The following SULT1A2 variants were observed in gnomAD, a reference collection of about 807,000 sequenced individuals.
SULT1A2 encodes the protein sulfotransferase family 1A member 2.
Under a neutral mutation model 36.0 loss-of-function variants are expected in SULT1A2, and 33 were observed. The observed-to-expected ratio is 0.92, with a 90% CI of 0.69 to 1.22. The LOEUF is 1.22. Among genes scored for constraint, SULT1A2 ranks in the 50% most tolerant of loss-of-function variants. The pLI, the probability that SULT1A2 is intolerant of heterozygous loss-of-function variation, is 0.00. For synonymous variants in SULT1A2, 138 were observed against 144.5 expected (o/e 0.96, Z 0.32); for missense variants, 367 against 383.2 (o/e 0.96, Z 0.35).
Position 28,592,146 on chromosome 16 carries a change from G to A in SULT1A2, c.776-6C>T, listed in dbSNP as rs1312720245. ...CTTCCAGTCCCCAGCCATGCCTGGGGGAGGAAGGCAGGGAGCAAAGCTGGA... is the reference window on the plus strand; with the variant it reads ...CTTCCAGTCCCCAGCCATGCCTGGGAGAGGAAGGCAGGGAGCAAAGCTGGA... On this transcript the variant is annotated splice_polypyrimidine_tract_variant and splice_region_variant and intron_variant, in intron 7 of 7. Transcript: ENST00000335715. The A allele has an allele frequency of 6.2e-7, 1 of 1,612,256 alleles. No individual in the cohort carries two copies. The highest frequency in any genetic ancestry group is 1.1e-5 in the South Asian group (1 of 91,002).
chr16:28,592,031 C>G lies in SULT1A2; in HGVS notation c.885G>C (p.Leu295=). The G allele has an allele frequency of 6.2e-7, 1 of 1,611,754 alleles. No homozygotes were observed. Among genetic ancestry groups the G allele is most frequent in the Non-Finnish European group, 8.5e-7 (1 of 1,179,770 alleles). Residue 295 remains leucine (L), a synonymous_variant, in exon 8 of 8, where the codon CTG becomes CTC. Transcript: ENST00000335715. ...AGCSLSFRSE[L] ...GCAGTGACTCCAGGAACCCCTCTCA[C>G]AGCTCAGAGCGGAAGCTGAGGCTGC... is the stretch of plus-strand genomic sequence containing the variant.
rs149295067 is a variant in SULT1A2, at chr16:28,592,942, G to C, written c.594+310C>G. Among the ~76,000 whole-genome samples, 324 of 152,218 alleles carry C rather than the reference G, an allele frequency of 2.1e-3. 2 individuals are homozygous for C. The highest frequency in any genetic ancestry group is 7.0e-3 in the African/African-American group (291 of 41,540). ...CAGGAGAATCACTTGAACCTGGGAG[G>C]GGGGGTTACACTGAGCTGAGATCAC... On this transcript the variant is annotated intron_variant, in intron 6 of 7. Coordinates refer to ENST00000335715, the MANE Select transcript of SULT1A2 (RefSeq NM_001054.4).
chr16:28,593,657 T>C (rs1363411646), intron 4 of SULT1A2, 89 bp from the exon 5 acceptor site: 20 of 1,587,018 alleles, frequency 1.3e-5, no homozygotes, highest in Non-Finnish European at 1.6e-5. Flanking sequence ...AGGAGGAAGC[T>C]GAGGCTTAGA....
Position 28,593,481 on chromosome 16 carries a change from TC to T in SULT1A2, c.459del (p.Thr154ProfsTer29), listed in dbSNP as rs1173308429. ...AACTTCTCCAGGAAGCTTTCCCAGG[TC>T]CCAGGGTGAGGGTACACTTTGGCCA... ...YHMAKVYPHP[G>X]TWESFLEKFM... On this transcript the variant is annotated frameshift_variant, in exon 5 of 8. Coordinates refer to ENST00000335715, the MANE Select transcript of SULT1A2 (RefSeq NM_001054.4). LOFTEE classifies it high-confidence loss of function. The T allele has an allele frequency of 1.2e-6, 2 of 1,613,882 alleles. No homozygotes were observed. The highest frequency in any genetic ancestry group is 2.7e-5 in the African/African-American group (2 of 74,816).
At position 28,593,302 on chromosome 16, in the gene SULT1A2, G is replaced by C. The variant is rs1339368020; in HGVS notation, c.544C>G (p.Leu182Val). 1 of 1,614,164 alleles carries C rather than the reference G, an allele frequency of 6.2e-7. No homozygotes were observed. The highest frequency in any genetic ancestry group is 1.7e-5 in the Admixed American group (1 of 60,026). ...WYQHVQEWWE[L>V]SRTHPVLYLF... ...TAGAGAACAGGGTGGGTGCGGCTCA[G>C]CTCCCACCACTCTTGCACGTGCTGG... Residue 182 changes from leucine to valine, a missense_variant, in exon 6 of 8, where the codon CTG becomes GTG. Leu to Val is a conservative substitution (Grantham distance 32, BLOSUM62 1). Coordinates refer to ENST00000335715, the MANE Select transcript of SULT1A2 (RefSeq NM_001054.4).
rs770126888 is a variant in SULT1A2, at chr16:28,595,980, A to T, written c.-4-46T>A. ...AGGCCCGTTCCCTTACCACCATCAC[A>T]ACAGCAAGAAAGTGGAATTCTTGCT... On this transcript the variant is annotated intron_variant, in intron 1 of 7. Transcript: ENST00000335715. The T allele has an allele frequency of 1.9e-6, 3 of 1,593,290 alleles. No individual in the cohort carries two copies. The African/African-American group carries it at 4.0e-5, about 21-fold the overall frequency.
chr16:28,594,117 G>GT (rs1354481136), intron 4 of SULT1A2, among the ~76,000 whole-genome samples: 7 of 145,252 alleles, frequency 4.8e-5, no homozygotes, highest in African/African-American at 1.8e-4. Context: ...TGGGGGGGGG[G>GT]ACTCTAGGTC....
chr16:28,596,046 G>T, intron 1 of SULT1A2, 112 bp from the exon 2 acceptor site: 1 of 1,572,150 alleles, frequency 6.4e-7, no homozygotes, highest in South Asian at 1.2e-5. Flanking sequence ...TGAGTGACTT[G>T]CCCGCACTCA....
intron 6 of SULT1A2, 48 bp from the exon 7 acceptor site, chr16:28,592,491 G>A (rs761979110): frequency 9.9e-6 from 16 of 1,613,788 alleles, no homozygotes; most frequent in Non-Finnish European, 1.2e-5. Context: ...GCTGATTCAG[G>A]AAAATAAAAG....
intron 1 of SULT1A2, 36 bp downstream of exon 1, chr16:28,596,961 T>G: frequency 8.2e-7 from 1 of 1,225,706 alleles, no homozygotes; most frequent in East Asian, 5.7e-5. Flanking sequence ...CTGAGCAGGG[T>G]GAGGGCGTCC....
intron 1 of SULT1A2, chr16:28,596,387 G>A: frequency 9.2e-7 from 1 of 1,091,366 alleles, no homozygotes; most frequent in Non-Finnish European, 1.1e-6. Context: ...TCCCCTCCTT[G>A]AGCCCCTCGG....
chr16:28,593,881 T>C (rs933857475), intron 4 of SULT1A2, among the ~76,000 whole-genome samples: 1 of 152,188 alleles, frequency 6.6e-6, no homozygotes, highest in Non-Finnish European at 1.5e-5. Context: ...GGACCCACCC[T>C]CTACCTTTCT....
intron 1 of SULT1A2, chr16:28,596,308 G>A (rs2047059268): frequency 8.5e-7 from 1 of 1,171,024 alleles, no homozygotes; most frequent in African/African-American, 1.6e-5. Context: ...CTGCCAGCCA[G>A]CGCCCTTTGT....
rs753662860 is a variant in SULT1A2, at chr16:28,593,419, T to G, written c.499+23A>C. On this transcript the variant is annotated intron_variant, in intron 5 of 7. Transcript: ENST00000335715. The stretch of plus-strand genomic sequence containing the variant: ...AGCCACCACCCCTTAGCTCCACACC[T>G]TCCTTCCTCCCATCAAGCCCACCTT... 6 of 1,613,992 alleles carry G rather than the reference T, an allele frequency of 3.7e-6. No homozygotes were observed. The South Asian group carries it at 6.6e-5, about 18-fold the overall frequency.
chr16:28,592,493 A>G (rs765521014), intron 6 of SULT1A2, 50 bp from the exon 7 acceptor site: 2 of 1,613,688 alleles, frequency 1.2e-6, no homozygotes, highest in Non-Finnish European at 1.7e-6. Flanking sequence ...TGATTCAGGA[A>G]AATAAAAGGG....
intron 6 of SULT1A2, 45 bp downstream of exon 6, chr16:28,593,207 T>G (rs2047015087): frequency 1.2e-6 from 2 of 1,610,882 alleles, no homozygotes; most frequent in Admixed American, 1.7e-5. Context: ...GTGAAGTGCC[T>G]GCCCCCAGGT....
At position 28,595,590 on chromosome 16, in the gene SULT1A2, C is replaced by T. The variant is rs1187395404; in HGVS notation, c.234G>A (p.Arg78=). ...EKCHRAPIFM[R]VPFLEFKVPG... is the part of the protein sequence containing the mutation. Reference sequence around the variant, plus strand: ...GGACTTTGAACTCAAGGAAGGGCACCCGCATGAAGATGGGAGCTCGGTGAC... The same window carrying T: ...GGACTTTGAACTCAAGGAAGGGCACTCGCATGAAGATGGGAGCTCGGTGAC... The change falls in exon 3 of 8, where the codon CGG becomes CGA. Residue 78 remains arginine, a synonymous_variant. Coordinates refer to ENST00000335715, the MANE Select transcript of SULT1A2 (RefSeq NM_001054.4). 6.2e-7 allele frequency: 1 copy of T among 1,614,070 alleles called. No homozygotes were observed.
chr16:28,593,559 CAT>C lies in SULT1A2; in HGVS notation c.380_381del (p.Tyr127CysfsTer67). The C allele has an allele frequency of 1.9e-6, 3 of 1,614,132 alleles. No homozygotes were observed. Among genetic ancestry groups the C allele is most frequent in the Non-Finnish European group, 2.5e-6 (3 of 1,180,024 alleles). ...GCCACATCCTTTGCGTTGCGGGCAA[CAT>C]AGACCACCTGCAGGGGCAGAAGACT... ...TLLDQKVKVV[Y>X]VARNAKDVAV... On this transcript the variant is annotated frameshift_variant, in exon 5 of 8. Transcript: ENST00000335715. LOFTEE classifies it high-confidence loss of function.
At chr16:28,595,698 G>A (rs1479101135) in intron 2 of SULT1A2, 23 bp from the exon 3 acceptor site, 7 of 1,613,872 alleles carry the variant, frequency 4.3e-6, no homozygotes, top group East Asian at 4.5e-5. Context: ...GGAGATGGGA[G>A]GTGAGCAGGC....
Sources: gnomAD v4.1 joint callset for allele counts (sites outside exome capture counted in the v4.1 genomes callset) on GRCh38, gnomAD v4.1.1 for gene constraint, MANE v1.5 for transcripts, NCBI Gene and HGNC (gene_info 2026-07-23, HGNC 2026-07-21) for gene names.